ST6GALNAC3: variants seen among roughly 807,000 people sequenced by gnomAD.
ST6GALNAC3 encodes ST6 N-acetylgalactosaminide alpha-2,6-sialyltransferase 3.
A neutral mutation model predicts 32.7 loss-of-function variants in ST6GALNAC3; 25 were observed. The ratio of observed to expected loss-of-function variants is 0.76; its 90% CI spans 0.56 to 1.07. The LOEUF (loss-of-function observed/expected upper bound fraction) is 1.07. Ranked by LOEUF, ST6GALNAC3 falls within the 50% of genes least tolerant of loss-of-function variation. The pLI, the probability that ST6GALNAC3 is intolerant of heterozygous loss-of-function variation, is 0.00. For missense variants in ST6GALNAC3, 355 were observed against 382.4 expected (o/e 0.93, Z 0.60); for synonymous variants, 129 against 133.1 (o/e 0.97, Z 0.21).
chr1:76,492,340 A>G (rs1660551847), intron 3 of ST6GALNAC3, among the ~76,000 whole-genome samples: 1 of 152,224 alleles, frequency 6.6e-6, no homozygotes, highest in Non-Finnish European at 1.5e-5. Context: ...ATGGTTTAGA[A>G]TAAGTAGTAT....
chr1:76,614,468 C>T (rs1007598153), intron 3 of ST6GALNAC3, among the ~76,000 whole-genome samples: 1 of 151,982 alleles, frequency 6.6e-6, no homozygotes, highest in African/African-American at 2.4e-5. Context: ...GCCTGTAATC[C>T]CAGCACTTTG....
At chr1:76,198,003 A>G (rs574219478) in intron 1 of ST6GALNAC3, among the ~76,000 whole-genome samples, 4 of 151,306 alleles carry the variant, frequency 2.6e-5, no homozygotes, top group African/African-American at 9.7e-5. Flanking sequence ...ACTGTTACAG[A>G]GTTTTGCCTT....
At chr1:76,539,489 T>C (rs1301588548) in intron 3 of ST6GALNAC3, among the ~76,000 whole-genome samples, 2 of 152,086 alleles carry the variant, frequency 1.3e-5, no homozygotes, top group African/African-American at 4.8e-5. Flanking sequence ...CCAAAAGCAA[T>C]GGTAACAAAA....
intron 3 of ST6GALNAC3, chr1:76,577,425 C>T: frequency 1.7e-6 from 1 of 575,372 alleles, no homozygotes; most frequent in Non-Finnish European, 2.2e-6. Flanking sequence ...TATCTTGGCT[C>T]ACTAATTCAT....
Position 76,412,146 on chromosome 1 carries a change from G to A in ST6GALNAC3, c.352G>A (p.Asp118Asn), listed in dbSNP as rs1185849074. 1 of 1,613,744 alleles carries A rather than the reference G, an allele frequency of 6.2e-7. No individual in the cohort carries two copies. Among genetic ancestry groups the A allele is most frequent in the South Asian group, 1.1e-5 (1 of 91,058 alleles). ...TGCCCCCACCAAAGGTTATGAAGAA[G>A]ATGTCGGCCGCATGACCATGATTCG... ...NNAPTKGYEE[D>N]VGRMTMIRVV... Residue 118 changes from aspartate (D) to asparagine (N), a missense_variant, in exon 3 of 5, where the codon GAT becomes AAT. Asp to Asn is a conservative substitution (Grantham distance 23, BLOSUM62 1). Transcript: ENST00000328299.
intron 1 of ST6GALNAC3, among the ~76,000 whole-genome samples, chr1:76,217,583 A>G (rs1433802358): frequency 6.6e-6 from 1 of 152,138 alleles, no homozygotes; most frequent in Non-Finnish European, 1.5e-5. Flanking sequence ...TATCTTCTTT[A>G]GTAGTGATTT....
chr1:76,080,366 G>A (rs699829), intron 1 of ST6GALNAC3, among the ~76,000 whole-genome samples: 40,169 of 152,004 alleles, frequency 0.26, 7,330 homozygotes, highest in East Asian at 0.86. Flanking sequence ...TTTCAAGGAT[G>A]TGGCATGGAT....
Position 76,630,644 on chromosome 1 carries a change from A to G in ST6GALNAC3, c.*1838A>G. On this transcript the variant is annotated 3_prime_UTR_variant, in exon 5 of 5. Coordinates refer to ENST00000328299, the MANE Select transcript of ST6GALNAC3 (RefSeq NM_152996.4). ...CTAGTGCTAAGTATTATGGTGAGCT[A>G]TCATTAAAGTGTGCCATCTTGGATA... 12 of 985,638 alleles carry G rather than the reference A, an allele frequency of 1.2e-5. No individual in the cohort carries two copies. The highest frequency in any genetic ancestry group is 1.3e-5 in the Non-Finnish European group (11 of 829,818). 61.1% of individuals were successfully genotyped at this position (985,638 alleles called of 1,614,324 possible).
At chr1:76,103,323 G>A (rs556433214) in intron 1 of ST6GALNAC3, among the ~76,000 whole-genome samples, 1 of 151,426 alleles carries the variant, frequency 6.6e-6, no homozygotes, top group African/African-American at 2.4e-5. Flanking sequence ...CATTTCCATG[G>A]GCTATAGTTA....
rs187226814 is a variant in ST6GALNAC3, at chr1:76,190,019, C to T, written c.18+115135C>T. 4.1e-3 allele frequency among the ~76,000 whole-genome samples: 618 copies of T among 152,132 alleles called. 4 individuals are homozygous for T. Among genetic ancestry groups the T allele is most frequent in the African/African-American group, 9.1e-3 (379 of 41,520 alleles). ...AAGTTTGTCAGATGGATACTGTTTT[C>T]TTTATAAGAATCTTCTGACTTTTGG... On this transcript the variant is annotated intron_variant, in intron 1 of 4. Coordinates refer to ENST00000328299, the MANE Select transcript of ST6GALNAC3 (RefSeq NM_152996.4).
chr1:76,501,608 T>G (rs1661180181), intron 3 of ST6GALNAC3, among the ~76,000 whole-genome samples: 1 of 152,086 alleles, frequency 6.6e-6, no homozygotes, highest in Non-Finnish European at 1.5e-5. Flanking sequence ...TAACTGCAGT[T>G]TTTCCAAATA....
At chr1:76,569,660 T>C (rs1337211572) in intron 3 of ST6GALNAC3, among the ~76,000 whole-genome samples, 2 of 152,024 alleles carry the variant, frequency 1.3e-5, no homozygotes, top group Middle Eastern at 3.4e-3. Flanking sequence ...AATTAAGATC[T>C]CGTAGGACAG....
At chr1:76,466,989 T>C (rs1421283038) in intron 3 of ST6GALNAC3, among the ~76,000 whole-genome samples, 3 of 152,094 alleles carry the variant, frequency 2.0e-5, no homozygotes, top group Admixed American at 6.6e-5. Context: ...AATGAAAAGA[T>C]GTTTTTATTC....
chr1:76,345,515 G>T lies in ST6GALNAC3; in HGVS notation c.213+31516G>T, dbSNP rs1648429389. Among the ~76,000 whole-genome samples the T allele has an allele frequency of 2.0e-5, 3 of 152,024 alleles. No individual in the cohort carries two copies. In the South Asian group the frequency reaches 6.2e-4, roughly 32 times the overall value. ...CCACTGAAAAGATGTTCACAGCAAG[G>T]TCTATCAAAACCCTACCACAGTATA... On this transcript the variant is annotated intron_variant, in intron 2 of 4. Transcript: ENST00000328299.
At chr1:76,095,014 G>T (rs1001809606) in intron 1 of ST6GALNAC3, among the ~76,000 whole-genome samples, 8 of 151,922 alleles carry the variant, frequency 5.3e-5, no homozygotes, top group Non-Finnish European at 1.2e-4. Context: ...CTGGTCACCT[G>T]TATGTATACC....
At position 76,540,794 on chromosome 1, in the gene ST6GALNAC3, C is replaced by G. The variant is rs899586094; in HGVS notation, c.624-86658C>G. Reference sequence around the variant, plus strand: ...GCTTCTGTTATTATTTTATTCAATACAAATCACAAAAGTGCCTATTGTGTA... The same window carrying G: ...GCTTCTGTTATTATTTTATTCAATAGAAATCACAAAAGTGCCTATTGTGTA... On this transcript the variant is annotated intron_variant, in intron 3 of 4. Coordinates refer to ENST00000328299, the MANE Select transcript of ST6GALNAC3 (RefSeq NM_152996.4). Among the ~76,000 whole-genome samples the G allele has an allele frequency of 2.6e-5, 4 of 152,130 alleles. No individual in the cohort carries two copies. The East Asian group carries it at 7.7e-4, about 29-fold the overall frequency.
intron 1 of ST6GALNAC3, among the ~76,000 whole-genome samples, chr1:76,207,163 A>G (rs957703468): frequency 2.0e-5 from 3 of 152,190 alleles, no homozygotes; most frequent in African/African-American, 7.2e-5. Flanking sequence ...TCAGAGTTCC[A>G]CAAAGTAGGT....
chr1:76,546,536 A>G lies in ST6GALNAC3; in HGVS notation c.624-80916A>G, dbSNP rs1282338818. On this transcript the variant is annotated intron_variant, in intron 3 of 4. Transcript: ENST00000328299. ...GAGCAGCTCGGGCAACAGAAATAAA[A>G]TGCAAATGACCTTTGAGACATGAGG... 5.9e-5 allele frequency among the ~76,000 whole-genome samples: 9 copies of G among 152,212 alleles called. No homozygotes were observed. The South Asian group carries it at 1.9e-3, about 32-fold the overall frequency.
chr1:76,291,874 T>G (rs1660117111), intron 1 of ST6GALNAC3, among the ~76,000 whole-genome samples: 1 of 152,246 alleles, frequency 6.6e-6, no homozygotes, highest in Admixed American at 6.5e-5. Context: ...AATGTCACAT[T>G]ACATAACACT....
Sources: allele counts gnomAD v4.1 joint callset (sites outside exome capture counted in the v4.1 genomes callset), GRCh38; gene constraint gnomAD v4.1.1; transcripts MANE v1.5; gene names NCBI Gene and HGNC (gene_info 2026-07-23, HGNC 2026-07-21).